Variants in EPM2A observed in about 807,000 individuals in gnomAD.
The protein encoded by EPM2A is EPM2A glucan phosphatase, laforin, also known as laforin.
EPM2A carries 21 observed loss-of-function variants against 26.5 expected under a neutral mutation model. That is an observed-to-expected ratio of 0.79 (90% confidence interval 0.56 to 1.14). EPM2A has a LOEUF of 1.14. EPM2A is among the 50% of genes most tolerant of loss of function. The pLI, the probability that EPM2A is intolerant of heterozygous loss-of-function variation, is 0.00. For missense variants in EPM2A, 458 were observed against 440.8 expected (o/e 1.04, Z -0.35); for synonymous variants, 217 against 177.6 (o/e 1.22, Z -1.76).
chr6:145,455,509 C>G (rs1280120281), intron 4 of EPM2A, among the ~76,000 whole-genome samples: 1 of 152,108 alleles, frequency 6.6e-6, no homozygotes, highest in Non-Finnish European at 1.5e-5. Context: ...AGGTGCCCAC[C>G]ACCACACCCA....
At chr6:145,646,170 T>C (rs1777446748) in intron 2 of EPM2A, among the ~76,000 whole-genome samples, 1 of 152,126 alleles carries the variant, frequency 6.6e-6, no homozygotes, top group Non-Finnish European at 1.5e-5. Flanking sequence ...TTTTTTCTTT[T>C]TTTGAGATGG....
chr6:145,501,978 G>C, intron 3 of EPM2A: 1 of 405,040 alleles, frequency 2.5e-6, no homozygotes, highest in Non-Finnish European at 5.0e-6. Context: ...TGGAGTAAAA[G>C]GAAGAGTCTC....
At chr6:145,406,880 T>G (rs1778576862) in intron 4 of EPM2A, among the ~76,000 whole-genome samples, 1 of 152,126 alleles carries the variant, frequency 6.6e-6, no homozygotes, top group African/African-American at 2.4e-5. Context: ...GGAGTAGACA[T>G]GTTTTAATAA....
intron 2 of EPM2A, among the ~76,000 whole-genome samples, chr6:145,513,216 A>C (rs1447928429): frequency 6.6e-6 from 1 of 152,240 alleles, no homozygotes; most frequent in Non-Finnish European, 1.5e-5. Flanking sequence ...CAAGAAAAAA[A>C]CAAACAACTT....
At chr6:145,412,695 G>A (rs564706418) in intron 4 of EPM2A, among the ~76,000 whole-genome samples, 1 of 152,256 alleles carries the variant, frequency 6.6e-6, no homozygotes, top group Admixed American at 6.5e-5. Flanking sequence ...TTGAGGCTTT[G>A]GATGCTGTTC....
chr6:145,530,482 C>A (rs779492987), intron 2 of EPM2A, among the ~76,000 whole-genome samples: 2 of 141,128 alleles, frequency 1.4e-5, no homozygotes, highest in Non-Finnish European at 3.1e-5. Flanking sequence ...CAAGGGAAAG[C>A]TTGTTGTTAA....
At chr6:145,545,886 A>T (rs2114799028) in intron 2 of EPM2A, among the ~76,000 whole-genome samples, 2 of 152,248 alleles carry the variant, frequency 1.3e-5, no homozygotes, top group East Asian at 3.9e-4. Flanking sequence ...GCGTACACTT[A>T]GATCTGAAGG....
At chr6:145,614,064 G>A (rs779725768) in intron 2 of EPM2A, among the ~76,000 whole-genome samples, 3 of 152,178 alleles carry the variant, frequency 2.0e-5, no homozygotes, top group Non-Finnish European at 4.4e-5. Flanking sequence ...GTTGTTTAGT[G>A]TACCTGCCTT....
At chr6:145,729,224 G>A (rs1390740892) in intron 1 of EPM2A, among the ~76,000 whole-genome samples, 1 of 152,188 alleles carries the variant, frequency 6.6e-6, no homozygotes, top group Admixed American at 6.5e-5. Flanking sequence ...AGTGCACAGG[G>A]GAAATGTTGA....
In EPM2A at chr6:145,488,413, G is replaced by A. The variant is rs147700995; in HGVS notation, c.555+14109C>T. Among the ~76,000 whole-genome samples the A allele has an allele frequency of 3.9e-3, 597 of 151,418 alleles. 7 individuals are homozygous for A. The highest frequency in any genetic ancestry group is 0.014 in the African/African-American group (575 of 41,262). On this transcript the variant is annotated intron_variant, in intron 4 of 4. Transcript: ENST00000638717. ...GCTATGAATTGCTTTGGGCTGTATGGCTGTTTTAACAATTAAGATTCTTCC... is the reference window on the plus strand; with the variant it reads ...GCTATGAATTGCTTTGGGCTGTATGACTGTTTTAACAATTAAGATTCTTCC...
chr6:145,444,784 G>C (rs1482991730), intron 4 of EPM2A, among the ~76,000 whole-genome samples: 1 of 152,086 alleles, frequency 6.6e-6, no homozygotes, highest in Non-Finnish European at 1.5e-5. Context: ...TGGACATTTT[G>C]AATTATAAAT....
At chr6:145,549,326 A>G (rs1780624091) in intron 2 of EPM2A, among the ~76,000 whole-genome samples, 1 of 152,172 alleles carries the variant, frequency 6.6e-6, no homozygotes. Flanking sequence ...TATCATTGTT[A>G]AAAAGTATAA....
Position 145,626,900 on chromosome 6 carries a change from G to A in EPM2A, c.*516C>T, listed in dbSNP as rs1582910627. 1.0e-6 allele frequency: 1 copy of A among 997,546 alleles called. No individual in the cohort carries two copies. Among genetic ancestry groups the A allele is most frequent in the Non-Finnish European group, 1.2e-6 (1 of 836,430 alleles). The allele number at this position is 997,546 out of a possible 1,614,324, so 61.8% of individuals were successfully genotyped here. A position where few individuals can be genotyped will look rare whatever the true frequency, so the allele number is the denominator to read the frequency against. On this transcript the variant is annotated 3_prime_UTR_variant, in exon 4 of 4. Transcript: ENST00000367519. Reference sequence around the variant, plus strand: ...TGAGGCAGGATAAAAAACAAGTCCTGAAAGCCATCACTTTTTGACCATAGT... The same window carrying A: ...TGAGGCAGGATAAAAAACAAGTCCTAAAAGCCATCACTTTTTGACCATAGT...
Position 145,488,518 on chromosome 6 carries a change from T to TGAGAGAGA in EPM2A, c.555+14003_555+14004insTCTCTCTC, listed in dbSNP as rs1434961412. Among the ~76,000 whole-genome samples, 11 of 131,078 alleles carry TGAGAGAGA rather than the reference T, an allele frequency of 8.4e-5. No individual in the cohort carries two copies. In the East Asian group the frequency reaches 9.5e-4, roughly 11 times the overall value. The allele number at this position is 131,078 out of a possible 152,430, so 86.0% of individuals were successfully genotyped here. A position where few individuals can be genotyped will look rare whatever the true frequency, so the allele number is the denominator to read the frequency against. On this transcript the variant is annotated intron_variant, in intron 4 of 4. Coordinates refer to the EPM2A transcript ENST00000638717. ...GGTTGTGTGTGTGTGTGTGTGTGTGTGTGTGAGAGAGAGAGAGAGAGAGAG... is the reference window on the plus strand; with the variant it reads ...GGTTGTGTGTGTGTGTGTGTGTGTGTGAGAGAGAGTGTGAGAGAGAGAGAGAGAGAGAG...
At chr6:145,386,737 T>C (rs1337596822) in intron 4 of EPM2A, among the ~76,000 whole-genome samples, 1 of 152,108 alleles carries the variant, frequency 6.6e-6, no homozygotes, top group Non-Finnish European at 1.5e-5. Context: ...GCAGTTTAAG[T>C]AGGTTTAGAG....
intron 4 of EPM2A, among the ~76,000 whole-genome samples, chr6:145,388,469 A>G (rs1778292485): frequency 6.6e-6 from 1 of 152,192 alleles, no homozygotes; most frequent in Non-Finnish European, 1.5e-5. Flanking sequence ...AACCCCAGAT[A>G]AAACCCAGAC....
intron 2 of EPM2A, among the ~76,000 whole-genome samples, chr6:145,653,266 A>G (rs1778020686): frequency 6.6e-6 from 1 of 152,148 alleles, no homozygotes. Context: ...TTCTTGTGAT[A>G]GGGGGTGATT....
At chr6:145,528,203 G>A (rs1364584799) in intron 2 of EPM2A, among the ~76,000 whole-genome samples, 1 of 152,124 alleles carries the variant, frequency 6.6e-6, no homozygotes, top group Non-Finnish European at 1.5e-5. Context: ...AGCAGCAACT[G>A]CTAATGAAGA....
chr6:145,403,083 T>A (rs1002401302), intron 4 of EPM2A, among the ~76,000 whole-genome samples: 1 of 152,154 alleles, frequency 6.6e-6, no homozygotes, highest in African/African-American at 2.4e-5. Context: ...TTGTTATTTT[T>A]AAAATATTTT....
Sources: gnomAD v4.1 joint callset for allele counts (sites outside exome capture counted in the v4.1 genomes callset) on GRCh38, gnomAD v4.1.1 for gene constraint, MANE v1.5 for transcripts, NCBI Gene and HGNC (gene_info 2026-07-23, HGNC 2026-07-21) for gene names.